Variants in SEPTIN10 observed in about 807,000 individuals in gnomAD.
SEPTIN10 encodes the protein septin 10, also known as septin-10.
In SEPTIN10, 66 loss-of-function variants were observed where a neutral mutation model predicts 54.8. The ratio of observed to expected loss-of-function variants is 1.21; its 90% CI spans 0.99 to 1.48. SEPTIN10 has a LOEUF of 1.48. SEPTIN10 is among the 40% of genes most tolerant of loss of function. SEPTIN10 has a pLI of 0.00. For synonymous variants in SEPTIN10, 161 were observed against 181.0 expected, an observed-to-expected ratio of 0.89 and a Z score of 0.89; for missense variants, 620 against 545.6, an observed-to-expected ratio of 1.14 and a Z score of -1.36.
chr2:109,572,921 C>A (rs1233507729), intron 5 of SEPTIN10, among the ~76,000 whole-genome samples: 1 of 152,058 alleles, frequency 6.6e-6, no homozygotes, highest in Non-Finnish European at 1.5e-5. Flanking sequence ...AGCCCAACAA[C>A]CTTCTTATGT....
intron 1 of SEPTIN10, among the ~76,000 whole-genome samples, chr2:109,598,742 C>A (rs575375749): frequency 6.6e-6 from 1 of 152,006 alleles, no homozygotes; most frequent in South Asian, 2.1e-4. Context: ...ACTCAGGAGG[C>A]TAGGTTCAAT....
Position 109,585,142 on chromosome 2 carries a change from T to C in SEPTIN10, c.397A>G (p.Ile133Val), listed in dbSNP as rs776328974. The change falls in exon 4 of 11, where the codon ATA (isoleucine) becomes GTA (valine). Residue 133 changes from isoleucine to valine, a missense_variant. Physicochemically the swap from Ile to Val is conservative, Grantham distance 29. Transcript: ENST00000397712. Reference protein sequence around the residue: ...IVNTVGFGDQINKEESYQPIV... With the variant: ...IVNTVGFGDQVNKEESYQPIV... ...AACACATACCTCTCTTCTTTATTTA[T>C]TTGGTCACCAAATCCCACTGTATTC... 1.3e-6 allele frequency: 2 copies of C among 1,578,744 alleles called. No homozygotes were observed. Among genetic ancestry groups the C allele is most frequent in the South Asian group, 1.2e-5 (1 of 84,256 alleles).
chr2:109,592,187 G>A (rs945873603), intron 2 of SEPTIN10, among the ~76,000 whole-genome samples: 4 of 151,738 alleles, frequency 2.6e-5, no homozygotes, highest in South Asian at 2.1e-4. Context: ...AATAACGGCC[G>A]GGCGTGGTGG....
intron 8 of SEPTIN10, among the ~76,000 whole-genome samples, chr2:109,553,544 CAA>C (rs566919224): frequency 3.2e-4 from 31 of 95,414 alleles, no homozygotes; most frequent in Admixed American, 3.5e-4. Flanking sequence ...ACTCTGTCTC[CAA>C]AAAAAAAAAA....
chr2:109,589,947 G>A (rs79892246), intron 2 of SEPTIN10, among the ~76,000 whole-genome samples: 1 of 151,870 alleles, frequency 6.6e-6, no homozygotes, highest in East Asian at 1.9e-4. Flanking sequence ...TATCCCAATA[G>A]TGATTTATTT....
intron 8 of SEPTIN10, among the ~76,000 whole-genome samples, chr2:109,559,909 GCCTTTT>G (rs1685229313): frequency 8.7e-6 from 1 of 115,178 alleles, no homozygotes; most frequent in African/African-American, 3.8e-5. Flanking sequence ...TCCAACCAAT[GCCTTTT>G]TTTTTTTTTT....
chr2:109,596,656 C>G (rs750332816), intron 1 of SEPTIN10, among the ~76,000 whole-genome samples: 1 of 151,690 alleles, frequency 6.6e-6, no homozygotes, highest in Non-Finnish European at 1.5e-5. Context: ...AGGCTTTATA[C>G]TCATTTGCCA....
intron 1 of SEPTIN10, among the ~76,000 whole-genome samples, chr2:109,596,229 A>T (rs1415322897): frequency 6.6e-6 from 1 of 152,150 alleles, no homozygotes; most frequent in East Asian, 1.9e-4. Flanking sequence ...CTGGTAAAAA[A>T]GTGGTTTTTA....
At chr2:109,572,620 T>C (rs1018760934) in intron 5 of SEPTIN10, among the ~76,000 whole-genome samples, 2 of 140,382 alleles carry the variant, frequency 1.4e-5, no homozygotes, top group Admixed American at 1.4e-4. Flanking sequence ...TTTTTTTTTT[T>C]TTTTTTTTTT....
At position 109,613,800 on chromosome 2, in the gene SEPTIN10, G is replaced by C. The variant is rs368644892; in HGVS notation, c.28C>G (p.Leu10Val). 4.9e-6 allele frequency: 6 copies of C among 1,232,372 alleles called. No homozygotes were observed. The African/African-American group carries it at 7.8e-5, about 16-fold the overall frequency. 76.3% of individuals were successfully genotyped at this position (1,232,372 alleles called of 1,614,324 possible). The part of the protein sequence containing the change: MASSEVARH[L>V]LFQSHMATKT... Reference sequence around the variant, plus strand: ...GCCCCGGCGTCGGCGGGACTCACCAGGTGCCGCGCCACCTCGGAGGAGGCC... The same window carrying C: ...GCCCCGGCGTCGGCGGGACTCACCACGTGCCGCGCCACCTCGGAGGAGGCC... Residue 10 changes from leucine (L) to valine (V), a missense_variant and splice_region_variant, in exon 1 of 11, where the codon CTG becomes GTG. Physicochemically the swap from Leu to Val is conservative, Grantham distance 32. Transcript: ENST00000397712.
chr2:109,596,369 G>A (rs1000250726), intron 1 of SEPTIN10, among the ~76,000 whole-genome samples: 1 of 152,134 alleles, frequency 6.6e-6, no homozygotes, highest in African/African-American at 2.4e-5. Context: ...TGTAATTCCA[G>A]CAGTTTGGGA....
chr2:109,572,929 T>C (rs1320661842), intron 5 of SEPTIN10, among the ~76,000 whole-genome samples: 1 of 152,214 alleles, frequency 6.6e-6, no homozygotes, highest in African/African-American at 2.4e-5. Context: ...AACCTTCTTA[T>C]GTAAAATAAG....
chr2:109,577,919 A>C (rs1403210321), intron 4 of SEPTIN10, among the ~76,000 whole-genome samples: 2 of 149,854 alleles, frequency 1.3e-5, no homozygotes, highest in Non-Finnish European at 2.9e-5. Context: ...TCTCAAAAAA[A>C]AAAAAAAAAA....
chr2:109,550,079 T>C (rs560428580), intron 9 of SEPTIN10, among the ~76,000 whole-genome samples: 1 of 151,756 alleles, frequency 6.6e-6, no homozygotes, highest in Non-Finnish European at 1.5e-5. Flanking sequence ...TAACGTGAGG[T>C]CAGGAGTTCG....
intron 5 of SEPTIN10, among the ~76,000 whole-genome samples, chr2:109,570,653 C>T (rs1352289890): frequency 1.3e-5 from 2 of 151,880 alleles, no homozygotes; most frequent in Non-Finnish European, 1.5e-5. Context: ...TCCCGAGTAG[C>T]TGGGATTACA....
chr2:109,564,370 C>T lies in SEPTIN10; in HGVS notation c.1024G>A (p.Val342Ile). Residue 342 changes from valine to isoleucine, a missense_variant, in exon 8 of 11, where the codon GTC (valine) becomes ATC (isoleucine). By Grantham distance (29) the Val-to-Ile change is conservative (BLOSUM62 3). Transcript: ENST00000397712. ...TTCCCAAGAACCCCACCCTACCTGA[C>T]TGGCTTGTTTTCTGGGCCCACATCT... ...FTDVGPENKP[V>I]SVQETYEAKR... is the part of the protein sequence containing the mutation. 1 of 1,553,566 alleles carries T rather than the reference C, an allele frequency of 6.4e-7. No homozygotes were observed. The highest frequency in any genetic ancestry group is 8.7e-7 in the Non-Finnish European group (1 of 1,146,380).
chr2:109,548,775 C>CA (rs57096452), intron 9 of SEPTIN10, among the ~76,000 whole-genome samples: 694 of 63,560 alleles, frequency 0.011, 122 homozygotes, highest in African/African-American at 0.018. Flanking sequence ...GGCTCCATCT[C>CA]AAAAAAAAAA....
chr2:109,605,215 A>T (rs1407165050), intron 1 of SEPTIN10, among the ~76,000 whole-genome samples: 1 of 152,210 alleles, frequency 6.6e-6, no homozygotes, highest in Non-Finnish European at 1.5e-5. Context: ...GGCTGAATAT[A>T]ATTATACCAT....
At chr2:109,588,397 A>G (rs1357503432) in intron 2 of SEPTIN10, among the ~76,000 whole-genome samples, 4 of 152,246 alleles carry the variant, frequency 2.6e-5, no homozygotes, top group African/African-American at 9.6e-5. Flanking sequence ...AATGTGTTAC[A>G]GGTTACATGC....
Sources: allele counts gnomAD v4.1 joint callset (sites outside exome capture counted in the v4.1 genomes callset), GRCh38; gene constraint gnomAD v4.1.1; transcripts MANE v1.5; gene names NCBI Gene and HGNC (gene_info 2026-07-23, HGNC 2026-07-21).